The following GLCE variants were observed in gnomAD, a reference collection of about 807,000 sequenced individuals.
GLCE encodes glucuronic acid epimerase.
GLCE carries 19 observed loss-of-function variants against 47.9 expected under a neutral mutation model. The ratio of observed to expected loss-of-function variants is 0.40; its 90% CI spans 0.28 to 0.58. GLCE has a LOEUF of 0.58. Among genes scored for constraint, GLCE ranks in the 20% least tolerant of loss-of-function variants. GLCE has a pLI of 0.48. For missense variants in GLCE, 556 were observed against 743.3 expected, an observed-to-expected ratio of 0.75 and a Z score of 2.93; for synonymous variants, 245 against 263.4, an observed-to-expected ratio of 0.93 and a Z score of 0.68.
At chr15:69,179,528 C>T (rs2051720869) in intron 1 of GLCE, among the ~76,000 whole-genome samples, 1 of 152,126 alleles carries the variant, frequency 6.6e-6, no homozygotes, top group African/African-American at 2.4e-5. Context: ...TTTTGACCAC[C>T]ACAGTCAAGA....
rs2051495091 is a variant in GLCE, at chr15:69,165,911, A to G, written c.-105+5154A>G. ...CTTATTCTCTTGCCCTGTGACCATAAGCTGATATGAGAATGGTAGTTCTTA... is the reference window on the plus strand; with the variant it reads ...CTTATTCTCTTGCCCTGTGACCATAGGCTGATATGAGAATGGTAGTTCTTA... On this transcript the variant is annotated intron_variant, in intron 1 of 4. Coordinates refer to ENST00000261858, the MANE Select transcript of GLCE (RefSeq NM_015554.3). Among the ~76,000 whole-genome samples the G allele has an allele frequency of 2.0e-5, 3 of 152,186 alleles. No homozygotes were observed. The South Asian group carries it at 6.2e-4, about 31-fold the overall frequency.
intron 1 of GLCE, among the ~76,000 whole-genome samples, chr15:69,193,826 T>G (rs113000551): frequency 0.02 from 3,055 of 152,192 alleles, 44 homozygotes; most frequent in Non-Finnish European, 0.031. Context: ...TAAGATCACT[T>G]TTATTACCTA....
At chr15:69,244,830 G>A (rs1468051557) in intron 2 of GLCE, among the ~76,000 whole-genome samples, 1 of 152,100 alleles carries the variant, frequency 6.6e-6, no homozygotes, top group South Asian at 2.1e-4. Context: ...GGGTCCTTAT[G>A]CCTTAGTCTT....
intron 1 of GLCE, among the ~76,000 whole-genome samples, chr15:69,166,082 G>C (rs2051497421): frequency 2.0e-5 from 3 of 152,156 alleles, no homozygotes; most frequent in Admixed American, 2.0e-4. Flanking sequence ...TAGTTTGGGT[G>C]TTTTAAATCT....
In GLCE at chr15:69,270,017, T is replaced by G. The variant is rs1446012749; in HGVS notation, c.*773T>G. 1 of 152,646 alleles carries G rather than the reference T, an allele frequency of 6.6e-6. No individual in the cohort carries two copies. The highest frequency in any genetic ancestry group is 2.4e-5 in the African/African-American group (1 of 41,452). 9.5% of individuals were successfully genotyped at this position (152,646 alleles called of 1,614,324 possible). On this transcript the variant is annotated 3_prime_UTR_variant, in exon 5 of 5. Transcript: ENST00000261858. Reference sequence around the variant, plus strand: ...CTTCCCAACCCCCATTGTGACAGTTTCTTTTTGTCACTGTCTAGAATTTTG... The same window carrying G: ...CTTCCCAACCCCCATTGTGACAGTTGCTTTTTGTCACTGTCTAGAATTTTG...
chr15:69,247,890 C>A (rs2140427653), intron 2 of GLCE, among the ~76,000 whole-genome samples: 1 of 152,190 alleles, frequency 6.6e-6, no homozygotes, highest in African/African-American at 2.4e-5. Flanking sequence ...TACCCCAAAA[C>A]AATTAAAATA....
intron 2 of GLCE, among the ~76,000 whole-genome samples, chr15:69,233,087 T>C (rs2052547100): frequency 6.6e-6 from 1 of 152,186 alleles, no homozygotes; most frequent in Non-Finnish European, 1.5e-5. Flanking sequence ...TTTAGGATAG[T>C]TTCTCATTTT....
Position 69,269,112 on chromosome 15 carries a change from T to C in GLCE, c.1722T>C (p.Ala574=), listed in dbSNP as rs1295364518. 1.2e-6 allele frequency: 2 copies of C among 1,614,150 alleles called. No homozygotes were observed. The highest frequency in any genetic ancestry group is 3.3e-5 in the Admixed American group (2 of 60,008). Residue 574 remains alanine (A), a synonymous_variant, in exon 5 of 5, where the codon GCT becomes GCC. Transcript: ENST00000261858. Reference sequence around the variant, plus strand: ...TGCTTGGCATCGCTCCTAACCTGGCTCGCTGGGACTATCATACCACCCACA... The same window carrying C: ...TGCTTGGCATCGCTCCTAACCTGGCCCGCTGGGACTATCATACCACCCACA... ...HFMLGIAPNL[A]RWDYHTTHIN...
chr15:69,204,199 G>A (rs1366920081), intron 1 of GLCE, among the ~76,000 whole-genome samples: 1 of 150,788 alleles, frequency 6.6e-6, no homozygotes. Flanking sequence ...TTTCCAGCTT[G>A]CATTCCTCAT....
intron 1 of GLCE, among the ~76,000 whole-genome samples, chr15:69,201,214 G>A (rs1259263993): frequency 6.6e-6 from 1 of 152,046 alleles, no homozygotes; most frequent in Non-Finnish European, 1.5e-5. Flanking sequence ...ACAACTGCAA[G>A]TCCCTTTTGC....
intron 1 of GLCE, among the ~76,000 whole-genome samples, chr15:69,162,289 A>T: frequency 6.6e-6 from 1 of 151,980 alleles, no homozygotes; most frequent in East Asian, 1.9e-4. Flanking sequence ...GATTTAAATA[A>T]AATGACTTGT....
intron 2 of GLCE, among the ~76,000 whole-genome samples, chr15:69,232,689 G>C (rs1479043626): frequency 6.6e-6 from 1 of 152,100 alleles, no homozygotes; most frequent in Non-Finnish European, 1.5e-5. Context: ...TAAGTGTTTA[G>C]AATAGCAGAG....
chr15:69,250,828 G>A (rs369822723), intron 2 of GLCE, among the ~76,000 whole-genome samples: 11 of 150,420 alleles, frequency 7.3e-5, no homozygotes, highest in African/African-American at 2.4e-4. Flanking sequence ...AAAAAACAGC[G>A]TGGTCATGGA....
intron 2 of GLCE, among the ~76,000 whole-genome samples, chr15:69,229,349 C>T (rs1358771630): frequency 1.3e-5 from 2 of 152,090 alleles, no homozygotes; most frequent in African/African-American, 4.8e-5. Flanking sequence ...TGAAGTGAGC[C>T]CACAATGTTT....
At position 69,256,081 on chromosome 15, in the gene GLCE, A is replaced by G; in HGVS notation, c.275A>G (p.Asn92Ser). 1 of 1,614,152 alleles carries G rather than the reference A, an allele frequency of 6.2e-7. No individual in the cohort carries two copies. Among genetic ancestry groups the G allele is most frequent in the South Asian group, 1.1e-5 (1 of 91,076 alleles). ...QKAPPVVGGF[N>S]SNVGSKVLGL... ...GCACCCCCTGTTGTTGGGGGCTTCA[A>G]TAGCAATGTGGGAAGTAAGGTGTTA... The change falls in exon 3 of 5, where the codon AAT becomes AGT. Residue 92 changes from asparagine to serine, a missense_variant. By Grantham distance (46) the Asn-to-Ser change is conservative. Transcript: ENST00000261858.
intron 1 of GLCE, among the ~76,000 whole-genome samples, chr15:69,167,967 CTTAA>C (rs2051530072): frequency 6.6e-6 from 1 of 151,892 alleles, no homozygotes; most frequent in Admixed American, 6.6e-5. Context: ...TCCTTCAGGT[CTTAA>C]TTAAAGTATT....
chr15:69,168,720 T>C (rs2051541353), intron 1 of GLCE, among the ~76,000 whole-genome samples: 1 of 152,070 alleles, frequency 6.6e-6, no homozygotes, highest in Admixed American at 6.6e-5. Context: ...TTAGTAGAGA[T>C]GGGATTTCTC....
chr15:69,240,260 GGCGAC>G, intron 2 of GLCE, among the ~76,000 whole-genome samples: 2 of 17,818 alleles, frequency 1.1e-4, no homozygotes, highest in East Asian at 4.5e-3. Flanking sequence ...CTCCAGCCTG[GGCGAC>G]AGAGCGAGAC....
chr15:69,163,442 CTCTT>C (rs2051456726), intron 1 of GLCE, among the ~76,000 whole-genome samples: 1 of 152,194 alleles, frequency 6.6e-6, no homozygotes, highest in African/African-American at 2.4e-5. Context: ...AGATTCAGCT[CTCTT>C]TTTTTAGTAA....
Sources: gnomAD v4.1 joint callset for allele counts (sites outside exome capture counted in the v4.1 genomes callset) on GRCh38, gnomAD v4.1.1 for gene constraint, MANE v1.5 for transcripts, NCBI Gene and HGNC (gene_info 2026-07-23, HGNC 2026-07-21) for gene names.